CNTNAP2: variants seen among roughly 807,000 people sequenced by gnomAD.
CNTNAP2 encodes the protein contactin-associated protein-like 2.
CNTNAP2 carries 98 observed loss-of-function variants against 155.2 expected under a neutral mutation model. The observed-to-expected ratio is 0.63, with a 90% confidence interval of 0.54 to 0.75. CNTNAP2 has a LOEUF of 0.75. Among genes scored for constraint, CNTNAP2 ranks in the 30% least tolerant of loss-of-function variants. CNTNAP2 has a pLI of 0.00. For missense variants in CNTNAP2, 1,727 were observed against 1,688.1 expected, an observed-to-expected ratio of 1.02 and a Z score of -0.40; for synonymous variants, 651 against 631.2, an observed-to-expected ratio of 1.03 and a Z score of -0.47.
At chr7:147,708,685 C>G (rs1037693373) in intron 13 of CNTNAP2, among the ~76,000 whole-genome samples, 21 of 152,134 alleles carry the variant, frequency 1.4e-4, no homozygotes, top group African/African-American at 4.8e-4. Flanking sequence ...CCCTTTTCCT[C>G]CACTGGGGAG....
chr7:146,321,729 T>A (rs991504488), intron 1 of CNTNAP2, among the ~76,000 whole-genome samples: 22 of 152,034 alleles, frequency 1.4e-4, no homozygotes, highest in African/African-American at 4.8e-4. Flanking sequence ...GGAAAAGAGA[T>A]GTTCTACACA....
intron 1 of CNTNAP2, among the ~76,000 whole-genome samples, chr7:146,161,502 G>A (rs896987858): frequency 6.6e-6 from 1 of 152,132 alleles, no homozygotes; most frequent in African/African-American, 2.4e-5. Context: ...ACTGCTCAAC[G>A]AAATAAAAGA....
intron 1 of CNTNAP2, among the ~76,000 whole-genome samples, chr7:146,159,875 C>G (rs1030295075): frequency 1.3e-5 from 2 of 152,146 alleles, no homozygotes; most frequent in Non-Finnish European, 1.5e-5. Flanking sequence ...GAACTCAGCT[C>G]TGCACCAAGC....
chr7:147,058,273 T>G (rs1258621363), intron 4 of CNTNAP2, among the ~76,000 whole-genome samples: 1 of 152,184 alleles, frequency 6.6e-6, no homozygotes, highest in African/African-American at 2.4e-5. Context: ...TATAGCTGTT[T>G]CTTTGCATTT....
chr7:147,856,681 A>G (rs937188070), intron 13 of CNTNAP2, among the ~76,000 whole-genome samples: 2 of 151,860 alleles, frequency 1.3e-5, no homozygotes, highest in African/African-American at 2.4e-5. Context: ...GTCAAAAATT[A>G]GAAAGAAAGT....
chr7:146,912,858 T>C (rs1025977946), intron 3 of CNTNAP2, among the ~76,000 whole-genome samples: 1 of 152,160 alleles, frequency 6.6e-6, no homozygotes, highest in Non-Finnish European at 1.5e-5. Flanking sequence ...GCCTCTTTAT[T>C]CTCTTAATCA....
chr7:146,723,577 C>T (rs74461092), intron 1 of CNTNAP2, among the ~76,000 whole-genome samples: 1,922 of 152,224 alleles, frequency 0.013, 39 homozygotes, highest in African/African-American at 0.043. Context: ...TAATAAACTA[C>T]AAATGAGAAT....
intron 3 of CNTNAP2, among the ~76,000 whole-genome samples, chr7:147,039,804 A>G (rs1367928680): frequency 1.3e-5 from 2 of 152,170 alleles, no homozygotes; most frequent in Non-Finnish European, 2.9e-5. Flanking sequence ...GTGTATAAGT[A>G]TTTCCTTTTC....
chr7:147,032,989 A>G (rs1485476490), intron 3 of CNTNAP2, among the ~76,000 whole-genome samples: 1 of 151,800 alleles, frequency 6.6e-6, no homozygotes, highest in South Asian at 2.1e-4. Context: ...ATTTTACTTT[A>G]TTAATTTTCA....
At chr7:147,123,889 A>C (rs1282538032) in intron 6 of CNTNAP2, among the ~76,000 whole-genome samples, 1 of 152,020 alleles carries the variant, frequency 6.6e-6, no homozygotes, top group East Asian at 1.9e-4. Flanking sequence ...TAAAAATACA[A>C]AAATTAGCCA....
chr7:148,126,986 G>A (rs1804729267), intron 16 of CNTNAP2, among the ~76,000 whole-genome samples: 1 of 139,680 alleles, frequency 7.2e-6, no homozygotes, highest in South Asian at 2.3e-4. Context: ...AGTGACCATA[G>A]AGTCTATTTT....
intron 3 of CNTNAP2, among the ~76,000 whole-genome samples, chr7:147,024,643 T>C (rs754510854): frequency 2.0e-5 from 3 of 152,222 alleles, no homozygotes; most frequent in Non-Finnish European, 2.9e-5. Flanking sequence ...GCATGATGAA[T>C]GGGTCCTTGC....
chr7:147,341,763 TACACATAC>T (rs1795767626), intron 9 of CNTNAP2, among the ~76,000 whole-genome samples: 1 of 93,298 alleles, frequency 1.1e-5, no homozygotes, highest in Admixed American at 1.2e-4. Context: ...CACACACACA[TACACATAC>T]ACACACACAC....
chr7:146,764,809 A>C (rs1802166573), intron 1 of CNTNAP2, among the ~76,000 whole-genome samples: 1 of 152,122 alleles, frequency 6.6e-6, no homozygotes. Flanking sequence ...TATTAGACAA[A>C]CCAAAATAGA....
At chr7:147,639,518 A>G (rs1192708000) in intron 13 of CNTNAP2, among the ~76,000 whole-genome samples, 1 of 152,202 alleles carries the variant, frequency 6.6e-6, no homozygotes, top group Non-Finnish European at 1.5e-5. Flanking sequence ...CATTGTTTTA[A>G]ACTTACGGAT....
At chr7:148,183,836 A>G (rs1215157149) in intron 18 of CNTNAP2, among the ~76,000 whole-genome samples, 1 of 152,164 alleles carries the variant, frequency 6.6e-6, no homozygotes, top group Non-Finnish European at 1.5e-5. Flanking sequence ...TTAATAGTGG[A>G]CAAAATATTT....
At chr7:146,250,596 C>T (rs905448461) in intron 1 of CNTNAP2, among the ~76,000 whole-genome samples, 1 of 152,112 alleles carries the variant, frequency 6.6e-6, no homozygotes, top group Non-Finnish European at 1.5e-5. Context: ...TTACCCGTGG[C>T]CATGGTGTCT....
rs142887227 is a variant in CNTNAP2, at chr7:147,607,310, A to G, written c.1898-31796A>G. Among the ~76,000 whole-genome samples, 85 of 152,192 alleles carry G rather than the reference A, an allele frequency of 5.6e-4. 1 individual carries two copies. In the East Asian group the frequency reaches 0.016, roughly 30 times the overall value. On this transcript the variant is annotated intron_variant, in intron 12 of 23. Transcript: ENST00000361727. Reference sequence around the variant, plus strand: ...AGAGACTTTGGTTCACCTTTAGTTCAAGGCACTCAGCATCCCAAGGCACCA... The same window carrying G: ...AGAGACTTTGGTTCACCTTTAGTTCGAGGCACTCAGCATCCCAAGGCACCA...
At chr7:146,250,675 A>G (rs1015691068) in intron 1 of CNTNAP2, among the ~76,000 whole-genome samples, 1 of 152,202 alleles carries the variant, frequency 6.6e-6, no homozygotes, top group Non-Finnish European at 1.5e-5. Context: ...ACTAGCCAGT[A>G]TCCAGCAAGG....
Sources: allele counts gnomAD v4.1 joint callset (sites outside exome capture counted in the v4.1 genomes callset), GRCh38; gene constraint gnomAD v4.1.1; transcripts MANE v1.5; gene names NCBI Gene and HGNC (gene_info 2026-07-23, HGNC 2026-07-21).